Variants in IPO5 observed in about 807,000 individuals in gnomAD.
IPO5 encodes importin-5.
In IPO5, 18 loss-of-function variants were observed where a neutral mutation model predicts 143.3. The ratio of observed to expected loss-of-function variants is 0.13; its 90% CI spans 0.09 to 0.19. The LOEUF (loss-of-function observed/expected upper bound fraction) is 0.19. IPO5 is among the 10% of genes least tolerant of loss of function. IPO5 has a pLI of 1.00. For synonymous variants in IPO5, 477 were observed against 465.7 expected (o/e 1.02, Z -0.31); for missense variants, 1,013 against 1,336.9 (o/e 0.76, Z 3.78).
chr13:97,984,188 C>T (rs945257700), intron 5 of IPO5, among the ~76,000 whole-genome samples: 6 of 151,014 alleles, frequency 4.0e-5, no homozygotes, highest in South Asian at 2.1e-4. Context: ...CCGTTTTAGC[C>T]GGGATGGTCT....
intron 13 of IPO5, 160 bp downstream of exon 13, chr13:98,000,805 G>A (rs1888705269): frequency 1.7e-6 from 1 of 586,206 alleles, no homozygotes; most frequent in Non-Finnish European, 3.1e-6. Flanking sequence ...CAATCCCAAA[G>A]AAAATGTACA....
rs747178905 is a variant in IPO5 at position 97,992,996 on chromosome 13, T to C, written c.774T>C (p.Thr258=). 1 of 1,613,754 alleles carries C rather than the reference T, an allele frequency of 6.2e-7. No homozygotes were observed. The highest frequency in any genetic ancestry group is 1.1e-5 in the South Asian group (1 of 91,024). ...PKYLRPHLEA[T]LQLSLKLCGD... ...ATTTGCGTCCTCACTTGGAAGCAAC[T>C]CTACAGCTAAGTCTAAAGGTAAATT... is the stretch of plus-strand genomic sequence containing the variant. Residue 258 remains threonine, a synonymous_variant, in exon 10 of 29, where the codon ACT becomes ACC. Coordinates refer to ENST00000651721, the MANE Select transcript of IPO5 (RefSeq NM_002271.6).
chr13:97,964,695 C>T (rs754684408), intron 2 of IPO5, among the ~76,000 whole-genome samples: 3 of 151,724 alleles, frequency 2.0e-5, no homozygotes, highest in Non-Finnish European at 4.4e-5. Context: ...ATGACCCGCC[C>T]GCCTCAGCCT....
At chr13:97,975,090 A>G (rs1886156128) in intron 3 of IPO5, among the ~76,000 whole-genome samples, 1 of 152,206 alleles carries the variant, frequency 6.6e-6, no homozygotes, top group African/African-American at 2.4e-5. Flanking sequence ...AATACTATGT[A>G]CTGCCAGCGG....
chr13:98,008,493 T>C (rs1389049725), intron 18 of IPO5, among the ~76,000 whole-genome samples: 1 of 152,128 alleles, frequency 6.6e-6, no homozygotes, highest in Non-Finnish European at 1.5e-5. Flanking sequence ...TTATCCAACA[T>C]GTAATAGACA....
At chr13:98,018,106 A>T (rs1167593567) in intron 25 of IPO5, among the ~76,000 whole-genome samples, 3 of 152,232 alleles carry the variant, frequency 2.0e-5, no homozygotes, top group Non-Finnish European at 4.4e-5. Context: ...GGCACACATG[A>T]CTTAGCCTGT....
At chr13:97,982,299 T>C (rs369238752) in intron 4 of IPO5, among the ~76,000 whole-genome samples, 6 of 152,230 alleles carry the variant, frequency 3.9e-5, no homozygotes, top group East Asian at 1.9e-4. Context: ...TTAAGAGATA[T>C]ATGTAGAAAG....
At position 98,008,139 on chromosome 13, in the gene IPO5, T is replaced by G. The variant is rs749939470; in HGVS notation, c.1797T>G (p.Pro599=). Residue 599 remains proline (P), a synonymous_variant, in exon 18 of 29, where the codon CCT becomes CCG. Coordinates refer to ENST00000651721, the MANE Select transcript of IPO5 (RefSeq NM_002271.6). ...TCAATGATATGGAAGATGATGATCCTCAGGTAAGTGGTCTTAATGCATTTG... is the reference window on the plus strand; with the variant it reads ...TCAATGATATGGAAGATGATGATCCGCAGGTAAGTGGTCTTAATGCATTTG... ...TDFNDMEDDD[P]QISYMISAWA... 4 of 1,594,756 alleles carry G rather than the reference T, an allele frequency of 2.5e-6. No individual in the cohort carries two copies. The highest frequency in any genetic ancestry group is 1.3e-5 in the African/African-American group (1 of 74,518).
chr13:97,979,392 G>C (rs1008679642), intron 4 of IPO5, among the ~76,000 whole-genome samples: 1 of 152,136 alleles, frequency 6.6e-6, no homozygotes, highest in Non-Finnish European at 1.5e-5. Context: ...ATGCCATTTA[G>C]TAGGCTTTAT....
At chr13:97,979,875 A>G in intron 4 of IPO5, 1 of 456,644 alleles carries the variant, frequency 2.2e-6, no homozygotes, top group Non-Finnish European at 4.4e-6. Flanking sequence ...AATATACCTG[A>G]TTGTTGAGGA....
intron 13 of IPO5, chr13:98,002,061 C>T (rs1323603193): frequency 6.5e-6 from 1 of 154,446 alleles, no homozygotes; most frequent in Non-Finnish European, 1.4e-5. Context: ...TCGCCCAGAC[C>T]AGAGTGCAGT....
At chr13:97,977,079 CG>C (rs1382819450) in intron 4 of IPO5, 2 of 168,908 alleles carry the variant, frequency 1.2e-5, no homozygotes, top group South Asian at 1.0e-4. Context: ...CGGGCGGGCC[CG>C]GGGCCCCAAC....
At position 98,024,186 on chromosome 13, in the gene IPO5, T is replaced by G. The variant is rs1158329684; in HGVS notation, c.*2364T>G. 6.6e-6 allele frequency: 1 copy of G among 152,272 alleles called. No individual in the cohort carries two copies. Among genetic ancestry groups the G allele is most frequent in the African/African-American group, 2.4e-5 (1 of 41,570 alleles). The allele number at this position is 152,272 out of a possible 1,614,324, so 9.4% of individuals were successfully genotyped here. On this transcript the variant is annotated 3_prime_UTR_variant, in exon 29 of 29. Transcript: ENST00000651721. The stretch of plus-strand genomic sequence containing the variant: ...CTGTATCTTTAAAGAAAAGTAAAAT[T>G]GTCTTAAATCTAATTGACACTTCTG...
intron 7 of IPO5, among the ~76,000 whole-genome samples, 179 bp downstream of exon 7, chr13:97,989,343 A>G (rs1774759091): frequency 6.6e-6 from 1 of 152,074 alleles, no homozygotes; most frequent in African/African-American, 2.4e-5. Context: ...TTTATTTCAC[A>G]TTATGATCTT....
intron 2 of IPO5, among the ~76,000 whole-genome samples, chr13:97,956,087 G>C (rs1165180985): frequency 6.6e-6 from 1 of 150,400 alleles, no homozygotes; most frequent in Admixed American, 6.6e-5. Context: ...AGCCAAGATC[G>C]CGCCACTGCA....
In IPO5 at chr13:98,003,136, TA is replaced by T. The variant is rs150573926; in HGVS notation, c.1497+102del. 6,231 of 896,744 alleles carry T rather than the reference TA, an allele frequency of 6.9e-3. 230 individuals carry two copies. The African/African-American group carries it at 0.087, about 13-fold the overall frequency. The allele number at this position is 896,744 out of a possible 1,614,324, so 55.5% of individuals were successfully genotyped here. On this transcript the variant is annotated intron_variant, in intron 16 of 28. Transcript: ENST00000651721. Reference sequence around the variant, plus strand: ...GAAAGAGGGACTTGCAGCATGACCATAAAGAATATAAAGTACAAAAACTGAG... The same window carrying T: ...GAAAGAGGGACTTGCAGCATGACCATAAGAATATAAAGTACAAAAACTGAG...
intron 2 of IPO5, chr13:97,963,342 C>T (rs1342120394): frequency 6.6e-6 from 1 of 151,780 alleles, no homozygotes; most frequent in Admixed American, 6.6e-5. Context: ...TGTCCTTATG[C>T]CGGTAACACT....
chr13:97,981,329 C>T (rs1566484109), intron 4 of IPO5: 1 of 446,958 alleles, frequency 2.2e-6, no homozygotes, highest in Admixed American at 2.5e-5. Flanking sequence ...CTTTCAGTAC[C>T]AGAGAGATTT....
chr13:98,014,298 G>T (rs1889943299), intron 22 of IPO5, 84 bp downstream of exon 22: 1 of 971,486 alleles, frequency 1.0e-6, no homozygotes. Flanking sequence ...AAAAATTTGA[G>T]ACAGGGTATT....
Sources: gnomAD v4.1 joint callset for allele counts (sites outside exome capture counted in the v4.1 genomes callset) on GRCh38, gnomAD v4.1.1 for gene constraint, MANE v1.5 for transcripts, NCBI Gene and HGNC (gene_info 2026-07-23, HGNC 2026-07-21) for gene names.